OR9Q1: variants seen among roughly 807,000 people sequenced by gnomAD.
OR9Q1 encodes the protein olfactory receptor family 9 subfamily Q member 1.
For synonymous variants in OR9Q1, 153 were observed against 148.6 expected (o/e 1.03, Z -0.22); for missense variants, 374 against 378.8 (o/e 0.99, Z 0.11).
chr11:58,039,059 G>T (rs947599217), intron 1 of OR9Q1, among the ~76,000 whole-genome samples: 1 of 151,934 alleles, frequency 6.6e-6, no homozygotes, highest in Non-Finnish European at 1.5e-5. Flanking sequence ...GCACAATCTT[G>T]GCTCACTGCA....
intron 1 of OR9Q1, among the ~76,000 whole-genome samples, chr11:58,050,710 G>GCTAA (rs1853266169): frequency 8.4e-6 from 1 of 119,524 alleles, no homozygotes; most frequent in African/African-American, 2.9e-5. Flanking sequence ...CTGACAAAGG[G>GCTAA]CTAACATCCA....
At chr11:58,117,149 T>G (rs1853963696) in intron 2 of OR9Q1, 1 of 152,240 alleles carries the variant, frequency 6.6e-6, no homozygotes, top group African/African-American at 2.4e-5. Flanking sequence ...GAAGAGAAGA[T>G]AAGAGAGCAA....
chr11:58,046,690 C>T (rs1046516261), intron 1 of OR9Q1, among the ~76,000 whole-genome samples: 10 of 151,958 alleles, frequency 6.6e-5, no homozygotes, highest in African/African-American at 1.7e-4. Flanking sequence ...GGTGAAACCC[C>T]GTCTCTACTA....
chr11:58,139,534 T>G (rs1325690467), intron 2 of OR9Q1, among the ~76,000 whole-genome samples: 1 of 151,846 alleles, frequency 6.6e-6, no homozygotes, highest in Non-Finnish European at 1.5e-5. Context: ...ACATGTGGTG[T>G]TTGGTTTTTT....
At chr11:58,160,899 A>G (rs1424777452) in intron 2 of OR9Q1, among the ~76,000 whole-genome samples, 1 of 152,226 alleles carries the variant, frequency 6.6e-6, no homozygotes, top group East Asian at 1.9e-4. Context: ...AGTAGACCGA[A>G]CAAGAGATTT....
intron 2 of OR9Q1, among the ~76,000 whole-genome samples, chr11:58,156,787 C>A (rs528749484): frequency 6.6e-6 from 1 of 152,066 alleles, no homozygotes; most frequent in Non-Finnish European, 1.5e-5. Context: ...GTATATCTAT[C>A]CATATATTTG....
chr11:58,072,290 A>T (rs888484092), intron 2 of OR9Q1: 2 of 152,312 alleles, frequency 1.3e-5, no homozygotes, highest in African/African-American at 2.4e-5. Flanking sequence ...TAGTATTTGT[A>T]TCCATGTATT....
intron 2 of OR9Q1, chr11:58,119,420 C>T (rs1308424006): frequency 3.1e-6 from 5 of 1,610,360 alleles, no homozygotes; most frequent in Non-Finnish European, 4.2e-6. Flanking sequence ...AATTCGGTTA[C>T]TCTGGTGAGA....
chr11:58,109,705 A>T, intron 2 of OR9Q1: 1 of 396,206 alleles, frequency 2.5e-6, no homozygotes, highest in South Asian at 1.9e-5. Context: ...AATGAAATTG[A>T]GATTCCAGAA....
At chr11:58,091,753 C>T (rs1212838285) in intron 2 of OR9Q1, among the ~76,000 whole-genome samples, 1 of 152,024 alleles carries the variant, frequency 6.6e-6, no homozygotes, top group East Asian at 1.9e-4. Context: ...TAAAGTTTCC[C>T]AGTATTACTG....
At chr11:58,102,650 G>C (rs988740845) in intron 2 of OR9Q1, among the ~76,000 whole-genome samples, 4 of 151,970 alleles carry the variant, frequency 2.6e-5, no homozygotes, top group Non-Finnish European at 4.4e-5. Flanking sequence ...TAGTGGAACG[G>C]GGATTCCCTT....
intron 2 of OR9Q1, among the ~76,000 whole-genome samples, chr11:58,088,906 C>T (rs560669224): frequency 3.8e-4 from 57 of 151,334 alleles, no homozygotes; most frequent in African/African-American, 1.3e-3. Context: ...GACGGAGTTT[C>T]GCTCTTGTTG....
At chr11:58,174,264 C>T (rs1377705641) in intron 2 of OR9Q1, among the ~76,000 whole-genome samples, 1 of 152,054 alleles carries the variant, frequency 6.6e-6, no homozygotes, top group East Asian at 1.9e-4. Context: ...TTTTTAGAGG[C>T]ATATGCCCTG....
At chr11:58,176,156 C>T (rs1356834224) in intron 2 of OR9Q1, among the ~76,000 whole-genome samples, 2 of 152,180 alleles carry the variant, frequency 1.3e-5, no homozygotes, top group Non-Finnish European at 2.9e-5. Context: ...TTCCAAAGCA[C>T]TCTTCTTCCA....
intron 1 of OR9Q1, among the ~76,000 whole-genome samples, chr11:58,048,314 C>T (rs1853239999): frequency 6.6e-6 from 1 of 152,114 alleles, no homozygotes; most frequent in Non-Finnish European, 1.5e-5. Flanking sequence ...TTGATCATTA[C>T]ATATTGTATA....
Position 58,118,781 on chromosome 11 carries a change from T to A in OR9Q1, c.-14-60650T>A. On this transcript the variant is annotated intron_variant, in intron 2 of 2. Transcript: ENST00000335397. The stretch of plus-strand genomic sequence containing the variant: ...GACTTCACTTTCAAAATGGTCTTGA[T>A]GATGAGCAGATAGGAAATCAGGATG... 2 of 1,614,064 alleles carry A rather than the reference T, an allele frequency of 1.2e-6. No individual in the cohort carries two copies. The highest frequency in any genetic ancestry group is 2.7e-5 in the African/African-American group (2 of 75,052).
In OR9Q1 at chr11:58,180,146, C is replaced by T; in HGVS notation, c.702C>T (p.Ala234=). The change falls in exon 3 of 3, where the codon GCC becomes GCT. Residue 234 remains alanine (A), a synonymous_variant. Coordinates refer to ENST00000335397, the MANE Select transcript of OR9Q1 (RefSeq NM_001005212.4). ...TGGGGATCCCTGCTGGAAGCCAGGC[C>T]AAGACCTTCTCCACCTGCACCTCCC... ...AIMGIPAGSQ[A]KTFSTCTSHL... 6.2e-7 allele frequency: 1 copy of T among 1,614,048 alleles called. No individual in the cohort carries two copies.
intron 1 of OR9Q1, among the ~76,000 whole-genome samples, chr11:58,035,456 G>A (rs1234853981): frequency 6.6e-6 from 1 of 152,156 alleles, no homozygotes; most frequent in East Asian, 1.9e-4. Context: ...TTATGGCAGT[G>A]TCAACTCTTT....
At chr11:58,117,152 G>A (rs955123605) in intron 2 of OR9Q1, 7 of 152,208 alleles carry the variant, frequency 4.6e-5, no homozygotes, top group Non-Finnish European at 1.0e-4. Context: ...GAGAAGATAA[G>A]AGAGCAATCT....
Sources: gnomAD v4.1 joint callset for allele counts (sites outside exome capture counted in the v4.1 genomes callset) on GRCh38, gnomAD v4.1.1 for gene constraint, MANE v1.5 for transcripts, NCBI Gene and HGNC (gene_info 2026-07-23, HGNC 2026-07-21) for gene names.